The following PTK2 variants were observed in gnomAD, a reference collection of about 807,000 sequenced individuals.
PTK2 encodes protein tyrosine kinase 2.
A neutral mutation model predicts 150.1 loss-of-function variants in PTK2; 45 were observed. The ratio of observed to expected loss-of-function variants is 0.30; its 90% CI spans 0.24 to 0.38. PTK2 has a LOEUF of 0.38. Among genes scored for constraint, PTK2 ranks in the 10% least tolerant of loss-of-function variants. The pLI, the probability that PTK2 is intolerant of heterozygous loss-of-function variation, is 1.00. For synonymous variants in PTK2, 432 were observed against 449.2 expected, an observed-to-expected ratio of 0.96 and a Z score of 0.48; for missense variants, 919 against 1,307.3, an observed-to-expected ratio of 0.70 and a Z score of 4.58.
chr8:140,667,954 C>A (rs1423247905), intron 30 of PTK2, among the ~76,000 whole-genome samples: 1 of 152,234 alleles, frequency 6.6e-6, no homozygotes, highest in Admixed American at 6.5e-5. Context: ...TGGCATCATA[C>A]TGTAAGCATA....
intron 22 of PTK2, among the ~76,000 whole-genome samples, chr8:140,732,933 A>G (rs1377617639): frequency 2.0e-5 from 3 of 152,208 alleles, no homozygotes; most frequent in Non-Finnish European, 2.9e-5. Context: ...GGGTTAGTTT[A>G]GCTACTGTGT....
At chr8:140,861,938 A>C (rs1023332371) in intron 5 of PTK2, among the ~76,000 whole-genome samples, 2 of 152,204 alleles carry the variant, frequency 1.3e-5, no homozygotes, top group African/African-American at 4.8e-5. Context: ...CATTACATTT[A>C]GCTTTCTCTT....
chr8:140,719,069 G>A (rs1374453181), intron 22 of PTK2, among the ~76,000 whole-genome samples: 1 of 152,024 alleles, frequency 6.6e-6, no homozygotes, highest in Non-Finnish European at 1.5e-5. Flanking sequence ...CCAGCTACTC[G>A]GGAGGCTGAG....
At chr8:140,753,997 A>G (rs1277369663) in intron 16 of PTK2, among the ~76,000 whole-genome samples, 1 of 152,256 alleles carries the variant, frequency 6.6e-6, no homozygotes, top group South Asian at 2.1e-4. Context: ...TAGCTGTCGC[A>G]TACTTTCAAA....
chr8:140,739,031 G>A (rs370124116), exon 21 of PTK2: 116 of 1,569,660 alleles, frequency 7.4e-5, no homozygotes, highest in Non-Finnish European at 9.4e-5. Flanking sequence ...ACATCCATAC[G>A]TCACTAGCTG....
intron 1 of PTK2, among the ~76,000 whole-genome samples, chr8:140,999,675 A>T (rs73716504): frequency 4.3e-4 from 66 of 152,314 alleles, no homozygotes; most frequent in Non-Finnish European, 7.1e-4. Context: ...CGCACTGCTC[A>T]TAAGTTTTCA....
chr8:140,916,772 A>G (rs2100165427), intron 2 of PTK2, among the ~76,000 whole-genome samples: 1 of 152,224 alleles, frequency 6.6e-6, no homozygotes, highest in South Asian at 2.1e-4. Context: ...TGTGTACGGC[A>G]TATTGATTAA....
intron 14 of PTK2, among the ~76,000 whole-genome samples, chr8:140,786,842 A>G (rs1713829359): frequency 6.6e-6 from 1 of 152,120 alleles, no homozygotes; most frequent in South Asian, 2.1e-4. Context: ...TAACTCTGAA[A>G]GTGAAACTAT....
At chr8:140,892,069 G>A (rs900220609) in intron 2 of PTK2, among the ~76,000 whole-genome samples, 3 of 152,108 alleles carry the variant, frequency 2.0e-5, no homozygotes, top group African/African-American at 7.2e-5. Context: ...TAGCTTGGGC[G>A]TGGTAGCGTG....
At chr8:140,736,509 C>A (rs1444530654) in intron 21 of PTK2, among the ~76,000 whole-genome samples, 6 of 147,868 alleles carry the variant, frequency 4.1e-5, no homozygotes, top group African/African-American at 1.5e-4. Flanking sequence ...TGCACATGGA[C>A]CCTCTGAATC....
intron 2 of PTK2, among the ~76,000 whole-genome samples, chr8:140,908,661 G>A (rs1019730944): frequency 7.2e-5 from 11 of 152,058 alleles, no homozygotes; most frequent in African/African-American, 2.4e-4. Context: ...AATCCACTGT[G>A]CCTGTGGGAA....
At position 140,805,641 on chromosome 8, in the gene PTK2, T is replaced by C. The variant is rs554376458; in HGVS notation, c.868-1991A>G. On this transcript the variant is annotated intron_variant, in intron 10 of 31. Coordinates refer to ENST00000522684, the Ensembl canonical transcript of PTK2. ...GGCATTCTCACTGATTCTTCTCCCTTTCCCCATTATCCAACCTCTCCACAA... is the reference window on the plus strand; with the variant it reads ...GGCATTCTCACTGATTCTTCTCCCTCTCCCCATTATCCAACCTCTCCACAA... Among the ~76,000 whole-genome samples the C allele has an allele frequency of 1.5e-4, 23 of 152,170 alleles. 1 individual carries two copies. Among genetic ancestry groups the C allele is most frequent in the South Asian group, 4.2e-4 (2 of 4,810 alleles).
At chr8:140,880,480 T>C (rs1415448426) in intron 3 of PTK2, among the ~76,000 whole-genome samples, 3 of 152,210 alleles carry the variant, frequency 2.0e-5, no homozygotes, top group African/African-American at 4.8e-5. Context: ...ACAGAACCAT[T>C]TGCTGTCCTT....
chr8:140,941,154 CG>C (rs2100175604), intron 1 of PTK2, among the ~76,000 whole-genome samples: 1 of 152,114 alleles, frequency 6.6e-6, no homozygotes, highest in Admixed American at 6.5e-5. Flanking sequence ...TTCTAAAAAG[CG>C]TACCAGCACA....
rs184885069 is a variant in PTK2 at position 140,688,208 on chromosome 8, C to T, written c.2500-1514G>A. Among the ~76,000 whole-genome samples the T allele has an allele frequency of 2.9e-3, 444 of 152,282 alleles. 4 individuals carry two copies. Among genetic ancestry groups the T allele is most frequent in the African/African-American group, 0.01 (430 of 41,562 alleles). ...CAAAGAGGGCAAAAGTCACAACTTA[C>T]TTATCTGTTCATTCAACAGAATTAC... is the stretch of plus-strand genomic sequence containing the variant. On this transcript the variant is annotated intron_variant, in intron 26 of 31. Coordinates refer to ENST00000522684, the Ensembl canonical transcript of PTK2.
intron 27 of PTK2, among the ~76,000 whole-genome samples, chr8:140,685,094 C>G (rs1423823400): frequency 6.6e-6 from 1 of 152,066 alleles, no homozygotes; most frequent in Non-Finnish European, 1.5e-5. Context: ...AAACTTCATA[C>G]CTACAACCAT....
At chr8:140,840,784 T>C (rs1210813791) in intron 7 of PTK2, among the ~76,000 whole-genome samples, 1 of 152,154 alleles carries the variant, frequency 6.6e-6, no homozygotes, top group Non-Finnish European at 1.5e-5. Context: ...AATACAGATG[T>C]ACTAAACCTG....
intron 24 of PTK2, among the ~76,000 whole-genome samples, chr8:140,703,320 A>G (rs1171906648): frequency 6.6e-6 from 1 of 152,234 alleles, no homozygotes; most frequent in Non-Finnish European, 1.5e-5. Flanking sequence ...GGGGACCATG[A>G]GCCAAGGCAT....
intron 1 of PTK2, among the ~76,000 whole-genome samples, chr8:140,934,852 T>C (rs2100173072): frequency 1.3e-5 from 2 of 152,174 alleles, no homozygotes; most frequent in African/African-American, 4.8e-5. Flanking sequence ...TCTCTATTGA[T>C]CTCTCTCTAG....
Sources: gnomAD v4.1 joint callset for allele counts (sites outside exome capture counted in the v4.1 genomes callset) on GRCh38, gnomAD v4.1.1 for gene constraint, MANE v1.5 for transcripts, NCBI Gene and HGNC (gene_info 2026-07-23, HGNC 2026-07-21) for gene names.